TRPC5: variants seen among roughly 807,000 people sequenced by gnomAD.
TRPC5 encodes short transient receptor potential channel 5.
Under a neutral mutation model 56.5 loss-of-function variants are expected in TRPC5, and 9 were observed. That is an observed-to-expected ratio of 0.16 (90% CI 0.10 to 0.28). The LOEUF (loss-of-function observed/expected upper bound fraction) is 0.28. Ranked by LOEUF, TRPC5 falls within the 10% of genes least tolerant of loss-of-function variation. TRPC5 has a pLI of 1.00. For synonymous variants in TRPC5, 282 were observed against 278.5 expected (o/e 1.01, Z -0.13); for missense variants, 469 against 748.9 (o/e 0.63, Z 4.36).
At chrX:112,064,859 G>A (rs1029558540) in intron 1 of TRPC5, among the ~76,000 whole-genome samples, 19 of 111,104 alleles carry the variant, frequency 1.7e-4, no homozygotes, top group Non-Finnish European at 3.6e-4. Flanking sequence ...CGGATCACGA[G>A]GTCAGGAGAT....
At chrX:111,806,350 G>A (rs749293102) in intron 7 of TRPC5, among the ~76,000 whole-genome samples, 5 of 112,303 alleles carry the variant, frequency 4.5e-5, no homozygotes, top group East Asian at 5.6e-4. Flanking sequence ...TAGAGCTAAC[G>A]TCTCATCTGA....
intron 7 of TRPC5, among the ~76,000 whole-genome samples, chrX:111,824,124 G>A (rs762144192): frequency 9.2e-6 from 1 of 109,021 alleles, no homozygotes; most frequent in Non-Finnish European, 1.9e-5. Flanking sequence ...CCAGCTACTC[G>A]GAAAGCTGAG....
In TRPC5 at chrX:111,910,488, G is replaced by A. The variant is rs191278074; in HGVS notation, c.900+1803C>T. On this transcript the variant is annotated intron_variant, in intron 3 of 10. Coordinates refer to ENST00000262839, the MANE Select transcript of TRPC5 (RefSeq NM_012471.3). ...TGCACAGAATTAGACCATATACCACGAGTCCTCCATGTGTAAAAATAAAAA... is the reference window on the plus strand; with the variant it reads ...TGCACAGAATTAGACCATATACCACAAGTCCTCCATGTGTAAAAATAAAAA... Among the ~76,000 whole-genome samples the A allele has an allele frequency of 5.2e-3, 585 of 111,738 alleles. 1 individual carries two copies. The highest frequency in any genetic ancestry group is 0.014 in the African/African-American group (446 of 30,764).
At chrX:112,048,263 T>C (rs910669429) in intron 1 of TRPC5, among the ~76,000 whole-genome samples, 2 of 110,688 alleles carry the variant, frequency 1.8e-5, no homozygotes, top group East Asian at 5.7e-4. Context: ...TAGCTGGGCG[T>C]CGTGGCGTGT....
At chrX:111,794,197 T>G (rs1256957173) in intron 7 of TRPC5, among the ~76,000 whole-genome samples, 1 of 112,067 alleles carries the variant, frequency 8.9e-6, no homozygotes, top group African/African-American at 3.2e-5. Context: ...TGTATGTGAA[T>G]TATATCTTAG....
chrX:111,991,605 G>T (rs916974524), intron 1 of TRPC5, among the ~76,000 whole-genome samples: 6 of 111,874 alleles, frequency 5.4e-5, no homozygotes, highest in African/African-American at 2.0e-4. Flanking sequence ...GTAGATAGAT[G>T]AATCAATTTG....
intron 2 of TRPC5, among the ~76,000 whole-genome samples, chrX:111,926,897 C>A (rs934806734): frequency 1.8e-5 from 2 of 111,904 alleles, no homozygotes. Context: ...TCAGAAGCAG[C>A]CCAGTTATGC....
intron 7 of TRPC5, among the ~76,000 whole-genome samples, chrX:111,800,901 C>T (rs934858101): frequency 9.0e-6 from 1 of 111,337 alleles, no homozygotes; most frequent in East Asian, 2.8e-4. Context: ...TTATTGACTA[C>T]ATGAAGGATC....
chrX:112,039,313 A>G (rs1232592169), intron 1 of TRPC5, among the ~76,000 whole-genome samples: 2 of 107,927 alleles, frequency 1.9e-5, no homozygotes, highest in Admixed American at 9.7e-5. Context: ...AGTGGCTTGT[A>G]GCCATTTGCT....
At chrX:111,795,647 G>T (rs1443943604) in intron 7 of TRPC5, among the ~76,000 whole-genome samples, 1 of 111,165 alleles carries the variant, frequency 9.0e-6, no homozygotes, top group Non-Finnish European at 1.9e-5. Context: ...TGCTTTCAAG[G>T]TTCTTTGTTT....
At chrX:112,026,378 C>T (rs1322659015) in intron 1 of TRPC5, among the ~76,000 whole-genome samples, 2 of 112,416 alleles carry the variant, frequency 1.8e-5, no homozygotes, top group East Asian at 5.6e-4. Flanking sequence ...GCCTTCATTT[C>T]TTTATATTTT....
At chrX:111,959,920 A>G (rs992727171) in intron 1 of TRPC5, among the ~76,000 whole-genome samples, 1 of 111,652 alleles carries the variant, frequency 9.0e-6, no homozygotes, top group South Asian at 3.8e-4. Context: ...ACGAGGGAGA[A>G]TGCAAAGAGA....
chrX:111,872,749 GA>G (rs375090230), intron 3 of TRPC5, among the ~76,000 whole-genome samples: 4 of 109,411 alleles, frequency 3.7e-5, no homozygotes, highest in Admixed American at 9.7e-5. Flanking sequence ...ATAAACATAT[GA>G]AAAAAAAATG....
At position 111,952,409 on chromosome X, in the gene TRPC5, C is replaced by G. The variant is rs1320026775; in HGVS notation, c.12G>C (p.Leu4=). Residue 4 remains leucine, a synonymous_variant, in exon 2 of 11, where the codon CTG becomes CTC. Transcript: ENST00000262839. ...GTGAGTAGTTGACCTTTTTGTAGTA[C>G]AGTTGGGCCATGGTTCATAGCAATG... MAQ[L]YYKKVNYSPY... The G allele has an allele frequency of 5.8e-6, 7 of 1,200,127 alleles. No individual in the cohort carries two copies. Among genetic ancestry groups the G allele is most frequent in the South Asian group, 1.8e-5 (1 of 54,698 alleles).
At chrX:111,941,797 G>T (rs1926786609) in intron 2 of TRPC5, among the ~76,000 whole-genome samples, 2 of 111,964 alleles carry the variant, frequency 1.8e-5, no homozygotes, top group African/African-American at 6.5e-5. Context: ...ATAGTGCTGT[G>T]AGGGATGGTG....
At chrX:111,993,147 C>T (rs1473379237) in intron 1 of TRPC5, among the ~76,000 whole-genome samples, 2 of 104,227 alleles carry the variant, frequency 1.9e-5, no homozygotes, top group Non-Finnish European at 3.9e-5. Context: ...TGAGAAAATG[C>T]GGTGTTTGGT....
intron 1 of TRPC5, among the ~76,000 whole-genome samples, chrX:111,997,521 T>G (rs2148658557): frequency 9.0e-6 from 1 of 111,229 alleles, no homozygotes; most frequent in South Asian, 3.9e-4. Context: ...ATTTCCTGAA[T>G]TTGAATGTTG....
At chrX:111,789,635 A>C (rs1277235734) in intron 7 of TRPC5, among the ~76,000 whole-genome samples, 1 of 112,409 alleles carries the variant, frequency 8.9e-6, no homozygotes, top group East Asian at 2.8e-4. Context: ...GGCATCCTAC[A>C]GAATGGGAGA....
chrX:111,812,110 C>T (rs1310219573), intron 7 of TRPC5, among the ~76,000 whole-genome samples: 2 of 87,452 alleles, frequency 2.3e-5, no homozygotes, highest in Non-Finnish European at 3.8e-5. Context: ...CTGGAAATGC[C>T]GGTGGTTTTT....
Sources: gnomAD v4.1 joint callset for allele counts (sites outside exome capture counted in the v4.1 genomes callset) on GRCh38, gnomAD v4.1.1 for gene constraint, MANE v1.5 for transcripts, NCBI Gene and HGNC (gene_info 2026-07-23, HGNC 2026-07-21) for gene names.